The following CRADD variants were observed in gnomAD, a reference collection of about 807,000 sequenced individuals.
CRADD encodes the protein CARD and death domain containing adaptor protein, also known as death domain-containing protein CRADD.
A neutral mutation model predicts 15.5 loss-of-function variants in CRADD; 9 were observed. The ratio of observed to expected loss-of-function variants is 0.58; its 90% CI spans 0.35 to 1.01. The LOEUF (loss-of-function observed/expected upper bound fraction) is 1.01, where lower values mean the gene tolerates loss of function less well. Among genes scored for constraint, CRADD ranks in the 50% least tolerant of loss-of-function variants. CRADD has a pLI of 0.02. For synonymous variants in CRADD, 118 were observed against 107.6 expected (o/e 1.10, Z -0.60); for missense variants, 227 against 250.3 (o/e 0.91, Z 0.63).
At chr12:93,809,563 A>C (rs771873512) in intron 2 of CRADD, among the ~76,000 whole-genome samples, 1 of 152,208 alleles carries the variant, frequency 6.6e-6, no homozygotes, top group Non-Finnish European at 1.5e-5. Flanking sequence ...CTATAATGAC[A>C]TAGAGTCTTG....
Position 93,766,679 on chromosome 12 carries a change from G to A in CRADD, c.299-83291G>A, listed in dbSNP as rs761047807. ...GTGAAACTGGTCCTCGTGATTGGTCGATTGCTTCTCTTTCTTGAGCACTGC... is the reference window on the plus strand; with the variant it reads ...GTGAAACTGGTCCTCGTGATTGGTCAATTGCTTCTCTTTCTTGAGCACTGC... On this transcript the variant is annotated intron_variant, in intron 2 of 2. Transcript: ENST00000332896. 6.6e-5 allele frequency among the ~76,000 whole-genome samples: 10 copies of A among 152,290 alleles called. 1 individual carries two copies. Among genetic ancestry groups the A allele is most frequent in the Non-Finnish European group, 1.5e-5 (1 of 68,024 alleles).
intron 2 of CRADD, among the ~76,000 whole-genome samples, chr12:93,862,343 A>C (rs1958325532): frequency 6.6e-6 from 1 of 152,242 alleles, no homozygotes; most frequent in Non-Finnish European, 1.5e-5. Context: ...CCAAGGCAAC[A>C]TTGAAGTAAT....
At chr12:93,819,699 A>G (rs1445028830) in intron 2 of CRADD, among the ~76,000 whole-genome samples, 1 of 152,234 alleles carries the variant, frequency 6.6e-6, no homozygotes, top group Non-Finnish European at 1.5e-5. Flanking sequence ...ACACTATAGA[A>G]GTACTTGTTA....
At chr12:93,864,950 T>C (rs1002121) in intron 2 of CRADD, among the ~76,000 whole-genome samples, 56,975 of 152,138 alleles carry the variant, frequency 0.37, 11,587 homozygotes, top group Middle Eastern at 0.48. Flanking sequence ...CTTAGAACAG[T>C]GTCAGGCACG....
At chr12:93,741,448 A>T (rs539566588) in intron 2 of CRADD, among the ~76,000 whole-genome samples, 1 of 152,352 alleles carries the variant, frequency 6.6e-6, no homozygotes, top group Admixed American at 6.5e-5. Flanking sequence ...TCATGAAAAA[A>T]AGTTAAAATG....
At chr12:93,700,337 A>G (rs545312172) in intron 2 of CRADD, among the ~76,000 whole-genome samples, 1 of 152,104 alleles carries the variant, frequency 6.6e-6, no homozygotes, top group Non-Finnish European at 1.5e-5. Flanking sequence ...CTTTCTTCCT[A>G]TCACTGTGAC....
chr12:93,808,355 C>T (rs2137004776), intron 2 of CRADD, among the ~76,000 whole-genome samples: 1 of 152,214 alleles, frequency 6.6e-6, no homozygotes, highest in South Asian at 2.1e-4. Context: ...CAAGGAGAGC[C>T]TGTGCAGGGG....
At chr12:93,805,405 T>C (rs1957525550) in intron 2 of CRADD, among the ~76,000 whole-genome samples, 1 of 152,024 alleles carries the variant, frequency 6.6e-6, no homozygotes, top group Non-Finnish European at 1.5e-5. Flanking sequence ...TTTAGAAATT[T>C]GAATGAATTA....
intron 2 of CRADD, among the ~76,000 whole-genome samples, chr12:93,734,749 T>C (rs1956534222): frequency 6.6e-6 from 1 of 152,208 alleles, no homozygotes; most frequent in Admixed American, 6.5e-5. Context: ...CTCAGAGGTA[T>C]TGTGTTCTTT....
At chr12:93,697,227 G>T (rs188997605) in intron 2 of CRADD, among the ~76,000 whole-genome samples, 7 of 152,334 alleles carry the variant, frequency 4.6e-5, no homozygotes, top group African/African-American at 1.4e-4. Context: ...GTATTAAGGG[G>T]TGAAGTAATT....
chr12:93,755,827 T>C (rs1956883814), intron 2 of CRADD, among the ~76,000 whole-genome samples: 1 of 152,234 alleles, frequency 6.6e-6, no homozygotes, highest in Admixed American at 6.5e-5. Context: ...TAAATAACTT[T>C]GTTTCAATAA....
At chr12:93,808,172 C>T (rs1016093787) in intron 2 of CRADD, among the ~76,000 whole-genome samples, 50 of 151,920 alleles carry the variant, frequency 3.3e-4, no homozygotes, top group African/African-American at 9.2e-4. Flanking sequence ...GGCTTTCGCT[C>T]TAGCTCTCCC....
chr12:93,799,692 C>A (rs1419221786), intron 2 of CRADD, among the ~76,000 whole-genome samples: 1 of 152,146 alleles, frequency 6.6e-6, no homozygotes, highest in Non-Finnish European at 1.5e-5. Flanking sequence ...CTGTTTTATT[C>A]TGAATTGCTG....
At position 93,867,405 on chromosome 12, in the gene CRADD, T is replaced by TATATATA. The variant is rs1207739624; in HGVS notation, c.299-26645_299-26644insATATATA. On this transcript the variant is annotated intron_variant, in intron 2 of 2. Coordinates refer to the CRADD transcript ENST00000548483. ...GTATTTGACATATATATATATATAT[T>TATATATA]TTTTAAACTTGGAAGTCCAAGATCA... Among the ~76,000 whole-genome samples the TATATATA allele has an allele frequency of 1.4e-3, 142 of 101,768 alleles. 7 individuals are homozygous for TATATATA. The highest frequency in any genetic ancestry group is 3.6e-3 in the South Asian group (11 of 3,030). The allele number at this position is 101,768 out of a possible 152,430, so 66.8% of individuals were successfully genotyped here. A position where few individuals can be genotyped will look rare whatever the true frequency, so the allele number is the denominator to read the frequency against.
chr12:93,849,736 G>GT (rs1384359256), intron 2 of CRADD, among the ~76,000 whole-genome samples: 3 of 129,984 alleles, frequency 2.3e-5, no homozygotes, highest in Admixed American at 8.2e-5. Context: ...GTGAAACACC[G>GT]TCTCAAAAAA....
At chr12:93,705,827 A>G (rs1319612855) in intron 2 of CRADD, among the ~76,000 whole-genome samples, 1 of 152,214 alleles carries the variant, frequency 6.6e-6, no homozygotes, top group Non-Finnish European at 1.5e-5. Context: ...ATGTCACTAA[A>G]TTTGCTTTCG....
At chr12:93,693,235 C>T (rs1955615055) in intron 2 of CRADD, among the ~76,000 whole-genome samples, 1 of 152,104 alleles carries the variant, frequency 6.6e-6, no homozygotes, top group South Asian at 2.1e-4. Context: ...GAAGCAAGAC[C>T]TTATCATTAA....
At chr12:93,844,063 C>T (rs1340922391) in intron 2 of CRADD, among the ~76,000 whole-genome samples, 1 of 152,134 alleles carries the variant, frequency 6.6e-6, no homozygotes, top group African/African-American at 2.4e-5. Flanking sequence ...TTTTAGTTGT[C>T]ATTCTATATC....
intron 2 of CRADD, among the ~76,000 whole-genome samples, chr12:93,734,683 C>T (rs970179655): frequency 3.9e-5 from 6 of 152,198 alleles, no homozygotes; most frequent in Non-Finnish European, 4.4e-5. Context: ...GCTCTGTCTC[C>T]GGACCCCGTC....
Sources: allele counts gnomAD v4.1 joint callset (sites outside exome capture counted in the v4.1 genomes callset), GRCh38; gene constraint gnomAD v4.1.1; transcripts MANE v1.5; gene names NCBI Gene and HGNC (gene_info 2026-07-23, HGNC 2026-07-21).